The following ATM variants were observed in gnomAD, a reference collection of about 807,000 sequenced individuals.
ATM encodes the protein ATM serine/threonine kinase, also known as serine-protein kinase ATM.
ATM carries 308 observed loss-of-function variants against 387.0 expected under a neutral mutation model. That is an observed-to-expected ratio of 0.80 (90% CI 0.73 to 0.87). The LOEUF (loss-of-function observed/expected upper bound fraction) is 0.87. Among genes scored for constraint, ATM ranks in the 40% least tolerant of loss-of-function variants. ATM has a pLI of 0.00. For synonymous variants in ATM, 1,156 were observed against 1,187.3 expected, an observed-to-expected ratio of 0.97 and a Z score of 0.54; for missense variants, 3,312 against 3,560.9, an observed-to-expected ratio of 0.93 and a Z score of 1.78.
chr11:108,357,065 T>A (rs1365093713), intron 61 of ATM, among the ~76,000 whole-genome samples: 1 of 152,144 alleles, frequency 6.6e-6, no homozygotes, highest in Non-Finnish European at 1.5e-5. Flanking sequence ...CGCCAGACAG[T>A]GGGCGCAGGT....
chr11:108,337,218 G>A (rs1041852720), intron 56 of ATM, among the ~76,000 whole-genome samples: 1 of 152,086 alleles, frequency 6.6e-6, no homozygotes, highest in Non-Finnish European at 1.5e-5. Context: ...GTTGGGAGAG[G>A]GGCATACTGT....
intron 53 of ATM, among the ~76,000 whole-genome samples, chr11:108,333,300 G>A: frequency 6.6e-6 from 1 of 152,086 alleles, no homozygotes. Flanking sequence ...TTCTTCCATA[G>A]GTGCTAAAAT....
intron 5 of ATM, among the ~76,000 whole-genome samples, chr11:108,243,265 A>C (rs1036821217): frequency 6.6e-6 from 1 of 152,130 alleles, no homozygotes; most frequent in Non-Finnish European, 1.5e-5. Context: ...CATACCCTTC[A>C]TAGGTCTCAA....
intron 61 of ATM, among the ~76,000 whole-genome samples, chr11:108,358,137 A>C (rs1374376532): frequency 1.3e-5 from 2 of 151,642 alleles, no homozygotes; most frequent in Non-Finnish European, 2.9e-5. Context: ...CTCGAGAACT[A>C]TGTGAAGAAT....
At chr11:108,247,263 A>G (rs141064762) in intron 8 of ATM, 136 bp downstream of exon 8, 10 of 762,120 alleles carry the variant, frequency 1.3e-5, no homozygotes, top group Admixed American at 5.3e-5. Context: ...TATTCCTTTC[A>G]AACTATCAGA....
intron 7 of ATM, among the ~76,000 whole-genome samples, chr11:108,246,071 G>T (rs953102345): frequency 1.3e-5 from 2 of 151,796 alleles, no homozygotes; most frequent in Non-Finnish European, 2.9e-5. Context: ...CCATCCACCC[G>T]CCTCAGCCTC....
At chr11:108,364,117 G>A (rs1386905115) in intron 61 of ATM, among the ~76,000 whole-genome samples, 1 of 152,088 alleles carries the variant, frequency 6.6e-6, no homozygotes, top group African/African-American at 2.4e-5. Flanking sequence ...AGAGATTTTG[G>A]TTCTGCTAAT....
At chr11:108,342,793 C>T (rs1233756225) in intron 56 of ATM, among the ~76,000 whole-genome samples, 1 of 152,094 alleles carries the variant, frequency 6.6e-6, no homozygotes. Context: ...CATGTAATTT[C>T]AATAATGAAG....
intron 22 of ATM, among the ~76,000 whole-genome samples, chr11:108,274,502 A>AT (rs1266984861): frequency 6.6e-6 from 1 of 152,174 alleles, no homozygotes; most frequent in African/African-American, 2.4e-5. Flanking sequence ...TCCTGTGGGC[A>AT]TTTAGTGCTA....
intron 22 of ATM, among the ~76,000 whole-genome samples, chr11:108,273,478 A>G (rs2081740432): frequency 6.6e-6 from 1 of 150,934 alleles, no homozygotes; most frequent in South Asian, 2.1e-4. Context: ...AGTAGCTGGG[A>G]TTACAGGCGC....
intron 3 of ATM, among the ~76,000 whole-genome samples, chr11:108,228,205 T>C (rs2135020910): frequency 6.6e-6 from 1 of 152,314 alleles, no homozygotes; most frequent in East Asian, 1.9e-4. Flanking sequence ...TAATAAATGT[T>C]AGGATATTAT....
At chr11:108,353,731 C>T (rs2089484197) in intron 59 of ATM, 35 bp from the exon 60 acceptor site, 1 of 1,521,162 alleles carries the variant, frequency 6.6e-7, no homozygotes, top group South Asian at 1.1e-5. Flanking sequence ...AATTAGCTGT[C>T]AAACCTCCTA....
chr11:108,347,093 A>C (rs1229558297), intron 58 of ATM, among the ~76,000 whole-genome samples, 186 bp from the exon 59 acceptor site: 1 of 152,220 alleles, frequency 6.6e-6, no homozygotes, highest in Non-Finnish European at 1.5e-5. Context: ...TGCAATATGC[A>C]TTAAAATAGC....
chr11:108,237,552 A>G (rs1202511672), intron 5 of ATM, among the ~76,000 whole-genome samples: 1 of 151,450 alleles, frequency 6.6e-6, no homozygotes, highest in East Asian at 1.9e-4. Context: ...CTTTTTTGTC[A>G]AAGTATTTTT....
intron 20 of ATM, 73 bp downstream of exon 20, chr11:108,271,479 C>T (rs2135556493): frequency 6.5e-7 from 1 of 1,536,804 alleles, no homozygotes; most frequent in Non-Finnish European, 9.0e-7. Context: ...TTTGTATCCA[C>T]ATCAGTGATT....
chr11:108,278,611 G>A (rs1381293029), intron 22 of ATM, among the ~76,000 whole-genome samples: 1 of 152,194 alleles, frequency 6.6e-6, no homozygotes, highest in African/African-American at 2.4e-5. Context: ...TCAGACTCAT[G>A]GCAGAAGGCA....
chr11:108,276,330 G>C (rs1017214671), intron 22 of ATM, among the ~76,000 whole-genome samples: 2 of 152,132 alleles, frequency 1.3e-5, no homozygotes, highest in African/African-American at 4.8e-5. Context: ...AGAGGAGTTT[G>C]TTATTACCCA....
Position 108,347,314 on chromosome 11 carries a change from C to T in ATM, c.8620C>T (p.Gln2874Ter), listed in dbSNP as rs2088551822. ...YILGLGDRHV[Q>*]NILINEQSAE... ...ACTTGGACTTGGTGATAGACATGTA[C>T]AGAATATCTTGATAAATGAGCAGTC... Residue 2874 changes from glutamine to a stop codon, truncating the protein, a stop_gained, in exon 59 of 63, where the codon CAG becomes TAG. Coordinates refer to ENST00000675843, the MANE Select transcript of ATM (RefSeq NM_000051.4). LOFTEE classifies it high-confidence loss of function. The T allele has an allele frequency of 1.2e-6, 2 of 1,611,516 alleles. No individual in the cohort carries two copies. The highest frequency in any genetic ancestry group is 8.5e-7 in the Non-Finnish European group (1 of 1,177,956).
rs749430886 is a variant in ATM, at chr11:108,335,798, TAATAA to T, written c.8152-40_8152-36del. 8 of 1,488,218 alleles carry T rather than the reference TAATAA, an allele frequency of 5.4e-6. No individual in the cohort carries two copies. In the Admixed American group the frequency reaches 8.5e-5, roughly 16 times the overall value. The allele number at this position is 1,488,218 out of a possible 1,614,324, so 92.2% of individuals were successfully genotyped here. A position where few individuals can be genotyped will look rare whatever the true frequency, so the allele number is the denominator to read the frequency against. ...ATTCTCAGATGACTCTGTGTTTTTA[TAATAA>T]AATAAACTGTACTTGTTTATTCATG... On this transcript the variant is annotated intron_variant, in intron 55 of 62. Transcript: ENST00000675843.
Sources: gnomAD v4.1 joint callset for allele counts (sites outside exome capture counted in the v4.1 genomes callset) on GRCh38, gnomAD v4.1.1 for gene constraint, MANE v1.5 for transcripts, NCBI Gene and HGNC (gene_info 2026-07-23, HGNC 2026-07-21) for gene names.